Variants in RIN2 observed in about 807,000 individuals in gnomAD.
The protein encoded by RIN2 is RAB5 interacting protein 2.
A neutral mutation model predicts 78.0 loss-of-function variants in RIN2; 36 were observed. The ratio of observed to expected loss-of-function variants is 0.46; its 90% CI spans 0.35 to 0.61. RIN2 has a LOEUF of 0.61. RIN2 is among the 20% of genes least tolerant of loss of function. RIN2 has a pLI of 0.00. For synonymous variants in RIN2, 466 were observed against 466.8 expected (o/e 1.00, Z 0.02); for missense variants, 1,087 against 1,159.7 (o/e 0.94, Z 0.91).
chr20:19,886,584 T>C lies in RIN2; in HGVS notation c.-36-2982T>C, dbSNP rs190639767. 761 of 778,836 alleles carry C rather than the reference T, an allele frequency of 9.8e-4. 2 individuals carry two copies. Among genetic ancestry groups the C allele is most frequent in the African/African-American group, 8.0e-3 (453 of 56,430 alleles). The allele number at this position is 778,836 out of a possible 1,614,324, so 48.2% of individuals were successfully genotyped here. A position where few individuals can be genotyped will look rare whatever the true frequency, so the allele number is the denominator to read the frequency against. On this transcript the variant is annotated intron_variant, in intron 2 of 12. Transcript: ENST00000255006. ...AATGTTTGCAGTGTCCTTAGTCCTA[T>C]GAGGGCTGCCTTCTTCTTCTTCTTC...
intron 2 of RIN2, chr20:19,886,493 G>T: frequency 1.9e-6 from 1 of 534,642 alleles, no homozygotes; most frequent in African/African-American, 1.9e-5. Context: ...CATTAGCGCC[G>T]ACCAACGCGA....
intron 2 of RIN2, among the ~76,000 whole-genome samples, chr20:19,870,554 C>T (rs1379480417): frequency 5.9e-5 from 9 of 152,040 alleles, no homozygotes; most frequent in Admixed American, 3.9e-4. Flanking sequence ...GGTTGAGGCA[C>T]GAGAATCACT....
intron 2 of RIN2, among the ~76,000 whole-genome samples, chr20:19,821,332 ACTCAAATCCTGTATCCCATAAATAGAT>A (rs1406088896): frequency 6.6e-6 from 1 of 151,900 alleles, no homozygotes; most frequent in Non-Finnish European, 1.5e-5. Context: ...CCTAAGAGAA[ACTCAAATCCTGTATCCCATAAATAGAT>A]CACCCATATG....
intron 2 of RIN2, chr20:19,886,373 C>T (rs2038190183): frequency 7.2e-6 from 2 of 276,626 alleles, no homozygotes; most frequent in Non-Finnish European, 1.3e-5. Context: ...TTTGCTTTAC[C>T]ACAGCAGTCG....
intron 2 of RIN2, among the ~76,000 whole-genome samples, chr20:19,845,536 T>C (rs2036753185): frequency 6.6e-6 from 1 of 152,098 alleles, no homozygotes. Context: ...ATGTCTTCTT[T>C]TGAGAAGTGT....
chr20:19,816,179 T>C (rs2035761662), intron 2 of RIN2, among the ~76,000 whole-genome samples: 1 of 152,214 alleles, frequency 6.6e-6, no homozygotes, highest in African/African-American at 2.4e-5. Context: ...TTTAGAAATT[T>C]TCAAGCCAAG....
At chr20:19,788,441 A>AAAAAAAAAAAAAAAACAAAAACAAAAAC (rs1568752714) in intron 1 of RIN2, among the ~76,000 whole-genome samples, 1 of 148,886 alleles carries the variant, frequency 6.7e-6, no homozygotes, top group Admixed American at 6.8e-5. Flanking sequence ...CCAAAAAAAA[A>AAAAAAAAAAAAAAAACAAAAACAAAAAC]AAAAAAAACA....
rs1471727775 is a variant in RIN2, at chr20:19,975,235, G to A, written c.1210G>A (p.Ala404Thr). The A allele has an allele frequency of 6.3e-7, 1 of 1,582,376 alleles. No individual in the cohort carries two copies. The change falls in exon 9 of 13, where the codon GCC (alanine) becomes ACC (threonine). Residue 404 changes from alanine to threonine, a missense_variant. This residue lies in a region of RIN2 where 706 missense variants were observed against 667.5 expected (regional missense o/e 1.06). Coordinates refer to ENST00000255006, the MANE Select transcript of RIN2 (RefSeq NM_018993.4). The surrounding 1 kb of genome is among the most constrained non-coding windows in gnomAD (Gnocchi z 4.9). The stretch of plus-strand genomic sequence containing the variant: ...CCCAGGTGGGGCCCCGCCTGAGGCC[G>A]CCCCGGGGGATTGCACAAGGGCCCC... ...GSPGGAPPEA[A>T]PGDCTRAPPP...
At chr20:19,876,136 G>T (rs1254955856) in intron 2 of RIN2, among the ~76,000 whole-genome samples, 8 of 152,194 alleles carry the variant, frequency 5.3e-5, no homozygotes, top group Non-Finnish European at 1.0e-4. Context: ...CTTTTTTCTA[G>T]ACAGATATTT....
At chr20:19,898,015 G>T (rs1425238654) in intron 3 of RIN2, among the ~76,000 whole-genome samples, 1 of 152,192 alleles carries the variant, frequency 6.6e-6, no homozygotes, top group East Asian at 1.9e-4. Context: ...TGCCCAGCCT[G>T]TTGGCTATTT....
Position 19,860,322 on chromosome 20 carries a change from G to GT in RIN2, c.-36-29238dup, listed in dbSNP as rs916100595. ...TCTTGTTTGTTTGTTTTTTTGTTTTGTTTTTTGTTTTTTTTCTGAGACGGA... is the reference window on the plus strand; with the variant it reads ...TCTTGTTTGTTTGTTTTTTTGTTTTGTTTTTTTGTTTTTTTTCTGAGACGGA... On this transcript the variant is annotated intron_variant, in intron 2 of 12. Transcript: ENST00000255006. Among the ~76,000 whole-genome samples the GT allele has an allele frequency of 1.2e-3, 181 of 144,906 alleles. 1 individual carries two copies. Among genetic ancestry groups the GT allele is most frequent in the African/African-American group, 4.6e-3 (174 of 37,882 alleles).
At chr20:19,947,039 A>T (rs76352362) in intron 4 of RIN2, among the ~76,000 whole-genome samples, 3 of 151,590 alleles carry the variant, frequency 2.0e-5, no homozygotes, top group African/African-American at 4.8e-5. Flanking sequence ...AAAAAAAAAA[A>T]GCAAATTCAG....
intron 2 of RIN2, among the ~76,000 whole-genome samples, chr20:19,847,032 A>C (rs2036807756): frequency 6.6e-6 from 1 of 152,174 alleles, no homozygotes; most frequent in Non-Finnish European, 1.5e-5. Flanking sequence ...ATTAGCAACT[A>C]TTCCATTTTT....
intron 6 of RIN2, among the ~76,000 whole-genome samples, chr20:19,964,652 C>T (rs2041880056): frequency 1.3e-5 from 2 of 152,076 alleles, no homozygotes; most frequent in South Asian, 4.2e-4. Flanking sequence ...CCCTTGTCCC[C>T]TGCCCTTTGT....
At chr20:19,937,401 C>T (rs990492091) in intron 4 of RIN2, among the ~76,000 whole-genome samples, 9 of 152,192 alleles carry the variant, frequency 5.9e-5, no homozygotes, top group Non-Finnish European at 8.8e-5. Flanking sequence ...AATGCACCGC[C>T]GTCAGCTTCC....
chr20:19,936,606 G>C lies in RIN2; in HGVS notation c.158+1407G>C, dbSNP rs146979501. ...GCGGAAACCTTTCCCCTGCATATAA[G>C]CACAGGGGATTTTGGGGGTGTGAGA... is the stretch of plus-strand genomic sequence containing the variant. On this transcript the variant is annotated intron_variant, in intron 4 of 12. Transcript: ENST00000255006. Among the ~76,000 whole-genome samples, 314 of 152,288 alleles carry C rather than the reference G, an allele frequency of 2.1e-3. 1 individual carries two copies. Among genetic ancestry groups the C allele is most frequent in the African/African-American group, 6.7e-3 (280 of 41,550 alleles).
At chr20:19,868,073 A>T (rs774417733) in intron 2 of RIN2, among the ~76,000 whole-genome samples, 1 of 152,236 alleles carries the variant, frequency 6.6e-6, no homozygotes, top group Non-Finnish European at 1.5e-5. Context: ...AACTGACACC[A>T]AGCCAGGCCC....
intron 2 of RIN2, among the ~76,000 whole-genome samples, chr20:19,836,966 C>T (rs563409171): frequency 6.6e-6 from 1 of 152,122 alleles, no homozygotes; most frequent in African/African-American, 2.4e-5. Flanking sequence ...TTGAAAGAGC[C>T]TCATCCTGGC....
intron 3 of RIN2, among the ~76,000 whole-genome samples, chr20:19,921,359 T>A (rs1454189384): frequency 6.6e-6 from 1 of 152,172 alleles, no homozygotes; most frequent in African/African-American, 2.4e-5. Context: ...TCAGCAACTT[T>A]CCCATCCCAT....
Sources: allele counts gnomAD v4.1 joint callset (sites outside exome capture counted in the v4.1 genomes callset), GRCh38; gene constraint gnomAD v4.1.1; regional missense constraint gnomAD v4.1.1; non-coding constraint Gnocchi (gnomAD v3.1); transcripts MANE v1.5; gene names NCBI Gene and HGNC (gene_info 2026-07-23, HGNC 2026-07-21).